The following ARHGEF10 variants were observed in gnomAD, a reference collection of about 807,000 sequenced individuals.
ARHGEF10 encodes Rho guanine nucleotide exchange factor 10.
A neutral mutation model predicts 147.4 loss-of-function variants in ARHGEF10; 140 were observed. The observed-to-expected ratio is 0.95, with a 90% CI of 0.83 to 1.09. ARHGEF10 has a LOEUF of 1.09. Ranked by LOEUF, ARHGEF10 falls within the 50% of genes least tolerant of loss-of-function variation. ARHGEF10 has a pLI of 0.00. For missense variants in ARHGEF10, 2,222 were observed against 1,752.7 expected, an observed-to-expected ratio of 1.27 and a Z score of -4.78; for synonymous variants, 902 against 695.8, an observed-to-expected ratio of 1.30 and a Z score of -4.67.
chr8:1,901,774 C>T (rs1810483038), intron 15 of ARHGEF10, among the ~76,000 whole-genome samples: 1 of 152,140 alleles, frequency 6.6e-6, no homozygotes, highest in South Asian at 2.1e-4. Context: ...TAAGATTGTT[C>T]TTTTTTGCCT....
intron 2 of ARHGEF10, among the ~76,000 whole-genome samples, chr8:1,854,708 A>G (rs1203228927): frequency 1.3e-5 from 2 of 152,138 alleles, no homozygotes; most frequent in South Asian, 2.1e-4. Flanking sequence ...CTTAAATTTT[A>G]CTAGGGGAAA....
At position 1,929,316 on chromosome 8, in the gene ARHGEF10, C is replaced by T. The variant is rs749923686; in HGVS notation, c.2952C>T (p.Ser984=). ...CCATTTATAAAAGCAGTCAAGGCTC[C>T]AAGAAAGTGAGACTTCAGCACTTTT... is the stretch of plus-strand genomic sequence containing the variant. The part of the protein sequence containing the change: ...SISIYKSSQG[S]KKVRLQHFFT... Residue 984 remains serine, a synonymous_variant, in exon 25 of 29, where the codon TCC becomes TCT. Coordinates refer to ENST00000349830, the MANE Select transcript of ARHGEF10 (RefSeq NM_014629.4). 34 of 1,613,986 alleles carry T rather than the reference C, an allele frequency of 2.1e-5. No homozygotes were observed. The Admixed American group carries it at 5.7e-4, about 27-fold the overall frequency.
chr8:1,862,697 T>G (rs1225464355), intron 4 of ARHGEF10, among the ~76,000 whole-genome samples: 3 of 152,146 alleles, frequency 2.0e-5, no homozygotes, highest in African/African-American at 7.2e-5. Flanking sequence ...GGGCAGCACG[T>G]CCTGCCTTTG....
chr8:1,916,268 T>G (rs1272651914), intron 18 of ARHGEF10, among the ~76,000 whole-genome samples: 1 of 152,226 alleles, frequency 6.6e-6, no homozygotes, highest in Non-Finnish European at 1.5e-5. Context: ...GGGTCCTATC[T>G]CTGTGGGAAT....
intron 1 of ARHGEF10, among the ~76,000 whole-genome samples, chr8:1,832,411 CAG>C (rs1803186265): frequency 1.8e-5 from 2 of 111,038 alleles, no homozygotes; most frequent in African/African-American, 3.5e-5. Flanking sequence ...GAGGCAGAGG[CAG>C]AGACAGAGAG....
intron 2 of ARHGEF10, among the ~76,000 whole-genome samples, chr8:1,848,511 G>T (rs554060544): frequency 2.0e-5 from 3 of 152,162 alleles, no homozygotes; most frequent in Non-Finnish European, 2.9e-5. Flanking sequence ...TGGGTGTGTC[G>T]TGGTTTCTGT....
intron 7 of ARHGEF10, among the ~76,000 whole-genome samples, chr8:1,872,602 T>C (rs767770058): frequency 6.6e-6 from 1 of 152,276 alleles, no homozygotes; most frequent in Non-Finnish European, 1.5e-5. Context: ...TTTCCCCAAA[T>C]TGATGGACAT....
chr8:1,879,480 A>G (rs1807990093), intron 8 of ARHGEF10, among the ~76,000 whole-genome samples: 1 of 152,160 alleles, frequency 6.6e-6, no homozygotes, highest in Non-Finnish European at 1.5e-5. Context: ...TGTCTAGCAC[A>G]GAGAAGACCC....
At chr8:1,888,099 T>A (rs1458116512) in intron 11 of ARHGEF10, among the ~76,000 whole-genome samples, 1 of 101,570 alleles carries the variant, frequency 9.8e-6, no homozygotes, top group African/African-American at 4.3e-5. Flanking sequence ...GTAGGGTGAA[T>A]GTTTTGAGGA....
At chr8:1,836,087 A>G (rs1313779875) in intron 1 of ARHGEF10, among the ~76,000 whole-genome samples, 1 of 151,840 alleles carries the variant, frequency 6.6e-6, no homozygotes, top group Non-Finnish European at 1.5e-5. Context: ...AGGCTGAGGC[A>G]GGAGAATGGC....
chr8:1,839,976 A>G (rs1409363609), intron 1 of ARHGEF10, among the ~76,000 whole-genome samples: 2 of 108,458 alleles, frequency 1.8e-5, no homozygotes, highest in African/African-American at 3.6e-5. Context: ...CTGGTGTGGA[A>G]GCTGTCTGGT....
intron 2 of ARHGEF10, among the ~76,000 whole-genome samples, chr8:1,857,686 G>A (rs1396066966): frequency 2.7e-5 from 4 of 150,396 alleles, no homozygotes; most frequent in Non-Finnish European, 2.9e-5. Flanking sequence ...CCAAAGTGCT[G>A]GGATTACAGA....
intron 26 of ARHGEF10, among the ~76,000 whole-genome samples, chr8:1,935,631 C>A (rs1035270056): frequency 2.6e-5 from 4 of 152,222 alleles, no homozygotes; most frequent in Non-Finnish European, 4.4e-5. Flanking sequence ...AGCACTGGGG[C>A]TCATAACGTC....
intron 27 of ARHGEF10, 150 bp downstream of exon 27, chr8:1,945,805 G>T: frequency 8.3e-7 from 1 of 1,203,044 alleles, no homozygotes; most frequent in Non-Finnish European, 1.2e-6. Flanking sequence ...AAGGCCCAGG[G>T]ACAGACGTGG....
intron 24 of ARHGEF10, 134 bp downstream of exon 24, chr8:1,928,784 G>T (rs1305702882): frequency 2.1e-6 from 2 of 950,744 alleles, no homozygotes; most frequent in Non-Finnish European, 3.3e-6. Flanking sequence ...GATACCAGGG[G>T]AAATTTTTAG....
chr8:1,921,557 T>C (rs2129208880), intron 18 of ARHGEF10, among the ~76,000 whole-genome samples: 1 of 152,182 alleles, frequency 6.6e-6, no homozygotes, highest in East Asian at 1.9e-4. Flanking sequence ...GTGAACCCTC[T>C]ACTAAACCTC....
At chr8:1,841,910 G>C (rs558589694) in intron 1 of ARHGEF10, among the ~76,000 whole-genome samples, 36 of 83,976 alleles carry the variant, frequency 4.3e-4, no homozygotes, top group East Asian at 1.4e-3. Context: ...GGGCCGCGGC[G>C]GGAACTGGGG....
chr8:1,955,435 G>A (rs113892710), intron 28 of ARHGEF10, among the ~76,000 whole-genome samples: 17 of 149,918 alleles, frequency 1.1e-4, no homozygotes, highest in Non-Finnish European at 1.8e-4. Flanking sequence ...CCTGAAAGGA[G>A]GTGCACTCTC....
chr8:1,929,759 G>A (rs1812972736), intron 25 of ARHGEF10, among the ~76,000 whole-genome samples: 1 of 152,208 alleles, frequency 6.6e-6, no homozygotes, highest in African/African-American at 2.4e-5. Context: ...GTCCTGCGCT[G>A]ACCAGCTGAG....
Sources: gnomAD v4.1 joint callset for allele counts (sites outside exome capture counted in the v4.1 genomes callset) on GRCh38, gnomAD v4.1.1 for gene constraint, MANE v1.5 for transcripts, NCBI Gene and HGNC (gene_info 2026-07-23, HGNC 2026-07-21) for gene names.